Variants in MPP7 observed in about 807,000 individuals in gnomAD.
The protein encoded by MPP7 is MAGUK p55 scaffold protein 7.
In MPP7, 60 loss-of-function variants were observed where a neutral mutation model predicts 76.5. The observed-to-expected ratio is 0.78, with a 90% CI of 0.64 to 0.97. The LOEUF is 0.97. Ranked by LOEUF, MPP7 falls within the 50% of genes least tolerant of loss-of-function variation. MPP7 has a pLI of 0.00. For synonymous variants in MPP7, 237 were observed against 244.5 expected (o/e 0.97, Z 0.29); for missense variants, 641 against 694.0 (o/e 0.92, Z 0.86).
chr10:28,249,419 T>A (rs1839540620), intron 1 of MPP7, among the ~76,000 whole-genome samples: 1 of 152,094 alleles, frequency 6.6e-6, no homozygotes, highest in African/African-American at 2.4e-5. Flanking sequence ...CGAAACCCCA[T>A]CTCTACTAAA....
chr10:28,316,316 T>G (rs1834320298), intron 2 of MPP7, among the ~76,000 whole-genome samples: 1 of 151,744 alleles, frequency 6.6e-6, no homozygotes, highest in Non-Finnish European at 1.5e-5. Context: ...ACGCCTGTAA[T>G]CCCAGCTACT....
chr10:28,170,546 C>G (rs1459570562), intron 3 of MPP7, among the ~76,000 whole-genome samples: 2 of 151,302 alleles, frequency 1.3e-5, no homozygotes, highest in Admixed American at 6.6e-5. Flanking sequence ...AACTTTCTTA[C>G]CACTGGGAAT....
chr10:28,104,191 C>G (rs1853967074), intron 11 of MPP7, among the ~76,000 whole-genome samples: 1 of 151,826 alleles, frequency 6.6e-6, no homozygotes. Flanking sequence ...AAGACACAAC[C>G]AGAAGACCAG....
At chr10:28,140,435 C>T (rs1235765657) in intron 5 of MPP7, among the ~76,000 whole-genome samples, 1 of 151,868 alleles carries the variant, frequency 6.6e-6, no homozygotes, top group Non-Finnish European at 1.5e-5. Context: ...TGCTTGAACC[C>T]GAGAGGCTGA....
chr10:28,124,515 A>G (rs1293556004), intron 7 of MPP7, among the ~76,000 whole-genome samples: 1 of 112,670 alleles, frequency 8.9e-6, no homozygotes, highest in Non-Finnish European at 1.6e-5. Flanking sequence ...TCGCTCTGTC[A>G]CCCAGGCTGG....
At chr10:28,087,687 C>T (rs1197939735) in intron 12 of MPP7, among the ~76,000 whole-genome samples, 4 of 152,182 alleles carry the variant, frequency 2.6e-5, no homozygotes, top group Admixed American at 2.6e-4. Flanking sequence ...TGAGCCACTG[C>T]GCCCAGCCTC....
chr10:28,195,111 A>T (rs551274013), intron 3 of MPP7, among the ~76,000 whole-genome samples: 1 of 152,236 alleles, frequency 6.6e-6, no homozygotes, highest in Non-Finnish European at 1.5e-5. Context: ...CAAAGAAGAC[A>T]TACAAATAGC....
At chr10:28,221,410 T>C (rs1002501874) in intron 2 of MPP7, among the ~76,000 whole-genome samples, 1 of 152,056 alleles carries the variant, frequency 6.6e-6, no homozygotes, top group African/African-American at 2.4e-5. Context: ...TGACACATAA[T>C]GAAATATCCA....
At chr10:28,292,084 A>G (rs912115546) in intron 1 of MPP7, among the ~76,000 whole-genome samples, 2 of 152,168 alleles carry the variant, frequency 1.3e-5, no homozygotes, top group Admixed American at 6.5e-5. Context: ...ATGTTTACAG[A>G]TGTTTAGATA....
Position 28,057,602 on chromosome 10 carries a change from CCTCTTTTTTTT to C in MPP7, c.1407+882_1407+892del, listed in dbSNP as rs1278808262. ...TCTGCAGAGCAGTGAGCCAATTAAA[CCTCTTTTTTTT>C]TTTTTTTTTTTTTTTTTTTTTTAGT... On this transcript the variant is annotated intron_variant, in intron 15 of 16. Transcript: ENST00000683449. 3.5e-5 allele frequency: 11 copies of C among 311,472 alleles called. No homozygotes were observed. The African/African-American group carries it at 4.0e-4, about 11-fold the overall frequency. The allele number at this position is 311,472 out of a possible 1,614,324, so 19.3% of individuals were successfully genotyped here.
At chr10:28,186,604 G>A (rs1229316827) in intron 3 of MPP7, among the ~76,000 whole-genome samples, 2 of 152,190 alleles carry the variant, frequency 1.3e-5, no homozygotes, top group Non-Finnish European at 2.9e-5. Context: ...AACCAACTGG[G>A]AATGTCAGGA....
intron 2 of MPP7, among the ~76,000 whole-genome samples, chr10:28,208,789 G>A (rs1344419530): frequency 6.6e-6 from 1 of 152,120 alleles, no homozygotes; most frequent in Non-Finnish European, 1.5e-5. Context: ...ATGATAACTG[G>A]CTCAATCTTC....
intron 1 of MPP7, among the ~76,000 whole-genome samples, chr10:28,253,046 T>C (rs1373655646): frequency 6.6e-6 from 1 of 152,136 alleles, no homozygotes; most frequent in Admixed American, 6.6e-5. Context: ...CAGCTGGGAC[T>C]ATGAGCACGC....
upstream of MPP7, among the ~76,000 whole-genome samples, chr10:28,306,248 TAAATC>T (rs941988231): frequency 3.9e-5 from 6 of 152,174 alleles, no homozygotes; most frequent in African/African-American, 1.4e-4. Context: ...AGCAACTAAA[TAAATC>T]AAAAAGTAGA....
chr10:28,248,804 G>A (rs934257698), intron 1 of MPP7, among the ~76,000 whole-genome samples: 14 of 152,160 alleles, frequency 9.2e-5, no homozygotes, highest in South Asian at 2.1e-4. Context: ...CAGGTTTCTG[G>A]CCTAGAAGCA....
chr10:28,279,613 T>C (rs1215373499), intron 1 of MPP7, among the ~76,000 whole-genome samples: 2 of 151,294 alleles, frequency 1.3e-5, no homozygotes, highest in Middle Eastern at 3.4e-3. Context: ...GCCGAGGCAG[T>C]AGAATCACTT....
Position 28,077,768 on chromosome 10 carries a change from C to T in MPP7, c.1124-7916G>A, listed in dbSNP as rs201374244. 3.4e-4 allele frequency among the ~76,000 whole-genome samples: 52 copies of T among 152,288 alleles called. No individual in the cohort carries two copies. The East Asian group carries it at 9.3e-3, about 27-fold the overall frequency. ...CACGGGCACATATAAGTAGATTACTCTGTAGTTCGTTTTCAGCTGAGCTTG... is the reference window on the plus strand; with the variant it reads ...CACGGGCACATATAAGTAGATTACTTTGTAGTTCGTTTTCAGCTGAGCTTG... On this transcript the variant is annotated intron_variant, in intron 12 of 16. Transcript: ENST00000683449.
chr10:28,115,269 A>AT (rs879860644), intron 11 of MPP7, among the ~76,000 whole-genome samples: 15 of 151,700 alleles, frequency 9.9e-5, no homozygotes, highest in Non-Finnish European at 1.9e-4. Flanking sequence ...CGCCTGGCTA[A>AT]TTTTTTTGTA....
intron 3 of MPP7, among the ~76,000 whole-genome samples, chr10:28,173,302 T>TA (rs1245045638): frequency 6.6e-6 from 1 of 151,470 alleles, no homozygotes; most frequent in African/African-American, 2.4e-5. Flanking sequence ...CTACCATTAC[T>TA]ACGGATTATC....
Sources: gnomAD v4.1 joint callset for allele counts (sites outside exome capture counted in the v4.1 genomes callset) on GRCh38, gnomAD v4.1.1 for gene constraint, MANE v1.5 for transcripts, NCBI Gene and HGNC (gene_info 2026-07-23, HGNC 2026-07-21) for gene names.